Variants in HIVEP1 observed in about 807,000 individuals in gnomAD.
HIVEP1 encodes the protein zinc finger protein 40.
In HIVEP1, 36 loss-of-function variants were observed where a neutral mutation model predicts 180.0. The ratio of observed to expected loss-of-function variants is 0.20; its 90% CI spans 0.15 to 0.26. The LOEUF is 0.26. HIVEP1 is among the 10% of genes least tolerant of loss of function. The pLI, the probability that HIVEP1 is intolerant of heterozygous loss-of-function variation, is 1.00. For missense variants in HIVEP1, 3,143 were observed against 3,268.7 expected (o/e 0.96, Z 0.94); for synonymous variants, 1,239 against 1,239.0 (o/e 1.00, Z 0.00).
the HIVEP1 span, among the ~76,000 whole-genome samples, chr6:12,174,099 C>T: frequency 3.3e-5 from 5 of 152,116 alleles, no homozygotes; most frequent in Admixed American, 1.3e-4. Flanking sequence ...AAGTAGTTTA[C>T]GACTTCATGC....
chr6:12,121,539 G>T lies in HIVEP1; in HGVS notation c.1744G>T (p.Asp582Tyr). Reference sequence around the variant, plus strand: ...AAGAACTGACAGTCCAAAGGCCATGGATCCCAAGCCTGAACTTTCTAGTGC... The same window carrying T: ...AAGAACTGACAGTCCAAAGGCCATGTATCCCAAGCCTGAACTTTCTAGTGC... ...PLRTDSPKAM[D>Y]PKPELSSAQK... Residue 582 changes from aspartate (D) to tyrosine (Y), a missense_variant, in exon 4 of 9, where the codon GAT (aspartate) becomes TAT (tyrosine). Around this residue, in one of 12 missense-constraint regions of HIVEP1, gnomAD observed 365 missense variants for 344.4 expected, o/e 1.06. Transcript: ENST00000379388. The surrounding 1 kb of genome is among the most constrained non-coding windows in gnomAD (Gnocchi z 5.3). 6.2e-7 allele frequency: 1 copy of T among 1,614,124 alleles called. No individual in the cohort carries two copies. The highest frequency in any genetic ancestry group is 8.5e-7 in the Non-Finnish European group (1 of 1,180,010).
Position 12,125,214 on chromosome 6 carries a change from C to A in HIVEP1, c.5419C>A (p.Pro1807Thr). 6.2e-7 allele frequency: 1 copy of A among 1,614,088 alleles called. No individual in the cohort carries two copies. Among genetic ancestry groups the A allele is most frequent in the Non-Finnish European group, 8.5e-7 (1 of 1,180,016 alleles). Residue 1807 changes from proline to threonine, a missense_variant, in exon 4 of 9, where the codon CCC becomes ACC. Coordinates refer to ENST00000379388, the MANE Select transcript of HIVEP1 (RefSeq NM_002114.4). ...ILVRQVCTTE[P>T]LDGVMLEKDV... The stretch of plus-strand genomic sequence containing the variant: ...AGTGAGACAGGTTTGTACTACAGAG[C>A]CCCTGGACGGTGTGATGTTGGAAAA...
chr6:12,055,278 T>G (rs62395290), intron 2 of HIVEP1, among the ~76,000 whole-genome samples: 23,665 of 152,060 alleles, frequency 0.16, 2,271 homozygotes, highest in Non-Finnish European at 0.22. Context: ...ATCGAGACCA[T>G]CCTGGCCAAC....
rs374094763 is a variant in HIVEP1, at chr6:12,033,898, A to G, written c.40+18230A>G. 3.8e-3 allele frequency among the ~76,000 whole-genome samples: 575 copies of G among 152,362 alleles called. 3 individuals carry two copies. Among genetic ancestry groups the G allele is most frequent in the African/African-American group, 0.013 (551 of 41,582 alleles). On this transcript the variant is annotated intron_variant, in intron 2 of 8. Coordinates refer to ENST00000379388, the MANE Select transcript of HIVEP1 (RefSeq NM_002114.4). ...GTTGGATAGGTTTAAATTTCGCAAC[A>G]TAGGCATTGCAGAATTTAGACATAC...
chr6:12,017,418 C>T (rs1242930361), intron 2 of HIVEP1, among the ~76,000 whole-genome samples: 6 of 152,196 alleles, frequency 3.9e-5, no homozygotes, highest in Admixed American at 6.5e-5. Flanking sequence ...CACACCTTTG[C>T]GGTGAGTTTT....
chr6:12,124,723 G>A lies in HIVEP1; in HGVS notation c.4928G>A (p.Ser1643Asn), dbSNP rs776093698. The A allele has an allele frequency of 1.9e-6, 3 of 1,614,026 alleles. No individual in the cohort carries two copies. In the African/African-American group the frequency reaches 4.0e-5, roughly 22 times the overall value. Residue 1643 changes from serine to asparagine, a missense_variant, in exon 4 of 9, where the codon AGT (serine) becomes AAT (asparagine). By Grantham distance (46) the Ser-to-Asn change is conservative. This residue lies in a region of HIVEP1 where 1,357 missense variants were observed against 1,260.5 expected (regional missense o/e 1.08). Transcript: ENST00000379388. ...ATGCTGCCCATACGCCTGCAGAGTA[G>A]TGTTCCTGCTTACTGTTTTGCTACA... is the stretch of plus-strand genomic sequence containing the variant. ...SFMLPIRLQS[S>N]VPAYCFATLT...
Position 12,124,516 on chromosome 6 carries a change from C to T in HIVEP1, c.4721C>T (p.Ser1574Phe). 6.2e-7 allele frequency: 1 copy of T among 1,614,176 alleles called. No individual in the cohort carries two copies. The highest frequency in any genetic ancestry group is 2.2e-5 in the East Asian group (1 of 44,890). Residue 1574 changes from serine to phenylalanine, a missense_variant, in exon 4 of 9, where the codon TCT becomes TTT. Transcript: ENST00000379388. Reference protein sequence around the residue: ...CQVFTSGPSCSSNPVHSLPNQ... With the variant: ...CQVFTSGPSCFSNPVHSLPNQ... ...GTTTTCACTTCAGGCCCATCTTGCTCTTCTAATCCTGTGCATTCTTTGCCA... is the reference window on the plus strand; with the variant it reads ...GTTTTCACTTCAGGCCCATCTTGCTTTTCTAATCCTGTGCATTCTTTGCCA...
At chr6:12,181,230 G>T in the HIVEP1 span, among the ~76,000 whole-genome samples, 2 of 151,832 alleles carry the variant, frequency 1.3e-5, no homozygotes, top group African/African-American at 4.8e-5. Flanking sequence ...CATGGTGGCA[G>T]GTGCCTGTAG....
In HIVEP1 at chr6:12,120,322, A is replaced by G; in HGVS notation, c.527A>G (p.Asn176Ser). 6.2e-7 allele frequency: 1 copy of G among 1,614,176 alleles called. No individual in the cohort carries two copies. The change falls in exon 4 of 9, where the codon AAT becomes AGT. Residue 176 changes from asparagine to serine, a missense_variant. Transcript: ENST00000379388. ...SSLSSKTRTDNSECISSHCGT... is the reference protein window; with the variant it reads ...SSLSSKTRTDSSECISSHCGT... Reference sequence around the variant, plus strand: ...TTGTCAAGTAAAACCAGGACTGACAATAGCGAATGCATCTCTTCTCATTGT... The same window carrying G: ...TTGTCAAGTAAAACCAGGACTGACAGTAGCGAATGCATCTCTTCTCATTGT...
chr6:12,145,436 G>A (rs4714232), intron 7 of HIVEP1, among the ~76,000 whole-genome samples: 40,272 of 151,254 alleles, frequency 0.27, 6,179 homozygotes, highest in Non-Finnish European at 0.35. Context: ...GTTTATGGGT[G>A]CAGCAAACCA....
intron 2 of HIVEP1, among the ~76,000 whole-genome samples, chr6:12,051,989 G>T (rs1425759547): frequency 6.6e-6 from 1 of 152,248 alleles, no homozygotes; most frequent in South Asian, 2.1e-4. Flanking sequence ...TGTGTGGGGG[G>T]ACTTTCCAAC....
At chr6:12,094,993 T>C (rs1773704817) in intron 3 of HIVEP1, among the ~76,000 whole-genome samples, 1 of 152,018 alleles carries the variant, frequency 6.6e-6, no homozygotes, top group African/African-American at 2.4e-5. Flanking sequence ...TTTTAGGAAG[T>C]TGTATTTTTC....
intron 3 of HIVEP1, among the ~76,000 whole-genome samples, chr6:12,096,023 T>A (rs1200523183): frequency 3.3e-5 from 5 of 151,964 alleles, no homozygotes; most frequent in Non-Finnish European, 7.4e-5. Flanking sequence ...AGGTAGAGAC[T>A]TTAGGTCAGC....
chr6:12,053,733 C>T (rs1214105019), intron 2 of HIVEP1, among the ~76,000 whole-genome samples: 1 of 152,186 alleles, frequency 6.6e-6, no homozygotes, highest in Admixed American at 6.5e-5. Context: ...CATTAATTTT[C>T]CTTTCTCAAT....
At position 12,163,278 on chromosome 6, in the gene HIVEP1, T is replaced by C. The variant is rs1482957809; in HGVS notation, c.6979-5T>C. 2 of 1,607,902 alleles carry C rather than the reference T, an allele frequency of 1.2e-6. No individual in the cohort carries two copies. The highest frequency in any genetic ancestry group is 1.7e-5 in the Admixed American group (1 of 59,804). ...ATAAAAGGATTGCTCTCTCTTGTCATTTAGAGCCCATCATCTGTAAGACTT... is the reference window on the plus strand; with the variant it reads ...ATAAAAGGATTGCTCTCTCTTGTCACTTAGAGCCCATCATCTGTAAGACTT... On this transcript the variant is annotated splice_region_variant and splice_polypyrimidine_tract_variant and intron_variant, in intron 8 of 8. Transcript: ENST00000379388.
chr6:12,114,709 T>G (rs1775112051), intron 3 of HIVEP1, among the ~76,000 whole-genome samples: 1 of 152,238 alleles, frequency 6.6e-6, no homozygotes, highest in African/African-American at 2.4e-5. Context: ...AATGTTATGT[T>G]AAGTGGCTGT....
intron 2 of HIVEP1, among the ~76,000 whole-genome samples, chr6:12,025,862 A>T (rs1768548156): frequency 6.6e-6 from 1 of 152,188 alleles, no homozygotes; most frequent in Non-Finnish European, 1.5e-5. Context: ...CAACATGGCG[A>T]AACCCTGTCC....
At chr6:12,182,158 G>T in the HIVEP1 span, among the ~76,000 whole-genome samples, 1 of 152,038 alleles carries the variant, frequency 6.6e-6, no homozygotes, top group Non-Finnish European at 1.5e-5. Flanking sequence ...ATGAAAAATC[G>T]GAAAAGAATT....
intron 3 of HIVEP1, among the ~76,000 whole-genome samples, chr6:12,099,615 A>G (rs1773991579): frequency 6.6e-6 from 1 of 151,854 alleles, no homozygotes; most frequent in Admixed American, 6.6e-5. Context: ...CCACACCCTC[A>G]CCCTCTCACC....
Sources: allele counts gnomAD v4.1 joint callset (sites outside exome capture counted in the v4.1 genomes callset), GRCh38; gene constraint gnomAD v4.1.1; regional missense constraint gnomAD v4.1.1; non-coding constraint Gnocchi (gnomAD v3.1); transcripts MANE v1.5; gene names NCBI Gene and HGNC (gene_info 2026-07-23, HGNC 2026-07-21).